The following PIK3C2G variants were observed in gnomAD, a reference collection of about 807,000 sequenced individuals.
The protein encoded by PIK3C2G is phosphatidylinositol 3-kinase C2 domain-containing subunit gamma.
A neutral mutation model predicts 181.1 loss-of-function variants in PIK3C2G; 168 were observed. The ratio of observed to expected loss-of-function variants is 0.93; its 90% confidence interval spans 0.82 to 1.05. The LOEUF is 1.05. Among genes scored for constraint, PIK3C2G ranks in the 50% least tolerant of loss-of-function variants. The probability of loss-of-function intolerance (pLI) is 0.00; values close to 1 mark genes in which losing one functional copy is unlikely to be tolerated. For missense variants in PIK3C2G, 1,869 were observed against 1,732.8 expected, an observed-to-expected ratio of 1.08 and a Z score of -1.40; for synonymous variants, 573 against 592.2, an observed-to-expected ratio of 0.97 and a Z score of 0.47.
At chr12:18,407,863 G>A (rs1001514720) in intron 16 of PIK3C2G, among the ~76,000 whole-genome samples, 1 of 152,142 alleles carries the variant, frequency 6.6e-6, no homozygotes, top group Non-Finnish European at 1.5e-5. Context: ...AACTGGAAGA[G>A]AGACAGTGTA....
At chr12:18,628,668 G>A (rs971229143) in intron 31 of PIK3C2G, among the ~76,000 whole-genome samples, 3 of 152,210 alleles carry the variant, frequency 2.0e-5, no homozygotes, top group Non-Finnish European at 4.4e-5. Context: ...CCTCTCTTCA[G>A]TTGAGAAAGA....
chr12:18,297,903 C>G (rs1565569596), intron 5 of PIK3C2G, among the ~76,000 whole-genome samples: 1 of 151,914 alleles, frequency 6.6e-6, no homozygotes, highest in African/African-American at 2.4e-5. Context: ...ATGTATACCA[C>G]ATTTTCTTTC....
At chr12:18,534,242 G>A (rs1386709778) in intron 24 of PIK3C2G, among the ~76,000 whole-genome samples, 1 of 151,926 alleles carries the variant, frequency 6.6e-6, no homozygotes, top group Non-Finnish European at 1.5e-5. Context: ...GAGCCACCAT[G>A]CCCAGCCTCT....
At chr12:18,346,929 G>T (rs1256312513) in intron 11 of PIK3C2G, 93 bp downstream of exon 11, 4 of 715,456 alleles carry the variant, frequency 5.6e-6, no homozygotes, top group Non-Finnish European at 2.1e-6. Flanking sequence ...CAGGAGCAAA[G>T]ATTTCATAAA....
rs1938774382 is a variant in PIK3C2G at position 18,338,555 on chromosome 12, A to G, written c.1395+7A>G. The G allele has an allele frequency of 1.9e-6, 3 of 1,565,542 alleles. No homozygotes were observed. In the East Asian group the frequency reaches 6.7e-5, roughly 35 times the overall value. ...TCTTCAGAGAAAAGGAGAGGTAAGT[A>G]CATTCATTTATTACACAGTAGTTTT... On this transcript the variant is annotated splice_region_variant and intron_variant, in intron 9 of 32. Transcript: ENST00000538779.
At chr12:18,363,377 C>A (rs1941406904) in intron 12 of PIK3C2G, among the ~76,000 whole-genome samples, 3 of 152,188 alleles carry the variant, frequency 2.0e-5, no homozygotes, top group African/African-American at 7.2e-5. Context: ...GCTCCCACTT[C>A]CTTCTTCTGT....
chr12:18,359,673 G>T (rs1941060861), intron 11 of PIK3C2G, among the ~76,000 whole-genome samples: 1 of 151,952 alleles, frequency 6.6e-6, no homozygotes, highest in African/African-American at 2.4e-5. Flanking sequence ...ATATCTTCCT[G>T]GTCAATTTAC....
At chr12:18,721,891 A>C in the PIK3C2G span, among the ~76,000 whole-genome samples, 7 of 152,006 alleles carry the variant, frequency 4.6e-5, no homozygotes, top group African/African-American at 1.7e-4. Context: ...AGAACCCTTC[A>C]AAATCTTTGC....
chr12:18,655,040 T>C, the PIK3C2G span, among the ~76,000 whole-genome samples: 120,083 of 151,792 alleles, frequency 0.79, 47,564 homozygotes, highest in Admixed American at 0.82. Context: ...CTTAAAAGTA[T>C]ACAGAAACAA....
At chr12:18,278,308 A>G (rs1383716798) in intron 1 of PIK3C2G, among the ~76,000 whole-genome samples, 2 of 152,152 alleles carry the variant, frequency 1.3e-5, no homozygotes, top group Non-Finnish European at 2.9e-5. Flanking sequence ...TTATGTTCCT[A>G]GCCATGTGGC....
the PIK3C2G span, among the ~76,000 whole-genome samples, chr12:18,676,993 T>C: frequency 6.6e-6 from 1 of 152,128 alleles, no homozygotes; most frequent in Non-Finnish European, 1.5e-5. Context: ...TGTTGCTTAC[T>C]GAACAGATAT....
At chr12:18,521,114 G>T (rs1254805729) in intron 24 of PIK3C2G, among the ~76,000 whole-genome samples, 3 of 152,140 alleles carry the variant, frequency 2.0e-5, no homozygotes, top group Non-Finnish European at 4.4e-5. Context: ...AAAGGTGGGT[G>T]CCTGTGCCTT....
chr12:18,282,180 T>C lies in PIK3C2G; in HGVS notation c.99T>C (p.Ser33=), dbSNP rs775906494. Residue 33 remains serine, a synonymous_variant, in exon 2 of 33, where the codon TCT becomes TCC. Coordinates refer to ENST00000538779, the MANE Select transcript of PIK3C2G (RefSeq NM_001288772.2). Reference sequence around the variant, plus strand: ...TCTTTGTAAATCAACCCCATTCTTCTAGCCAAGTCAGTCTGGGTTTTGATC... The same window carrying C: ...TCTTTGTAAATCAACCCCATTCTTCCAGCCAAGTCAGTCTGGGTTTTGATC... ...EFLFVNQPHS[S]SQVSLGFDQI... is the part of the protein sequence containing the mutation. 6.2e-7 allele frequency: 1 copy of C among 1,612,238 alleles called. No individual in the cohort carries two copies. Among genetic ancestry groups the C allele is most frequent in the Non-Finnish European group, 8.5e-7 (1 of 1,178,780 alleles).
At chr12:18,576,736 C>G (rs1172725305) in intron 29 of PIK3C2G, among the ~76,000 whole-genome samples, 14 of 152,168 alleles carry the variant, frequency 9.2e-5, no homozygotes, top group Admixed American at 9.2e-4. Flanking sequence ...AAACTTAATT[C>G]ATCACATTGG....
At chr12:18,357,361 A>C (rs1940837405) in intron 11 of PIK3C2G, among the ~76,000 whole-genome samples, 1 of 152,114 alleles carries the variant, frequency 6.6e-6, no homozygotes, top group African/African-American at 2.4e-5. Context: ...CATGTTTTAC[A>C]TTTAAGTTAA....
chr12:18,694,225 C>T, the PIK3C2G span: 1 of 613,610 alleles, frequency 1.6e-6, no homozygotes, highest in Non-Finnish European at 2.9e-6. Flanking sequence ...CATCCTGTGT[C>T]TTTTGGAGTA....
At chr12:18,352,892 T>C (rs1206084673) in intron 11 of PIK3C2G, among the ~76,000 whole-genome samples, 1 of 152,156 alleles carries the variant, frequency 6.6e-6, no homozygotes, top group Non-Finnish European at 1.5e-5. Context: ...GCCACTCTGC[T>C]GCTCTGCCAG....
chr12:18,454,656 C>T (rs573618152), intron 18 of PIK3C2G, among the ~76,000 whole-genome samples: 15 of 152,246 alleles, frequency 9.9e-5, no homozygotes, highest in South Asian at 6.2e-4. Context: ...AGAAAAGTCA[C>T]ACATTCCTAA....
intron 26 of PIK3C2G, among the ~76,000 whole-genome samples, chr12:18,559,821 T>TAGAGAGAGAGAGAGAGAGAGAGAG (rs1171468138): frequency 5.4e-5 from 1 of 18,372 alleles, no homozygotes; most frequent in Non-Finnish European, 9.6e-5. Flanking sequence ...TATATATATA[T>TAGAGAGAGAGAGAGAGAGAGAGAG]AGAGAGAGAG....
Sources: gnomAD v4.1 joint callset for allele counts (sites outside exome capture counted in the v4.1 genomes callset) on GRCh38, gnomAD v4.1.1 for gene constraint, MANE v1.5 for transcripts, NCBI Gene and HGNC (gene_info 2026-07-23, HGNC 2026-07-21) for gene names.